The following KDM5A variants were observed in gnomAD, a reference collection of about 807,000 sequenced individuals.
KDM5A encodes the protein lysine-specific demethylase 5A.
Under a neutral mutation model 193.5 loss-of-function variants are expected in KDM5A, and 42 were observed. The observed-to-expected ratio is 0.22, with a 90% CI of 0.17 to 0.28. KDM5A has a LOEUF of 0.28. Among genes scored for constraint, KDM5A ranks in the 10% least tolerant of loss-of-function variants. The pLI, the probability that KDM5A is intolerant of heterozygous loss-of-function variation, is 1.00. For missense variants in KDM5A, 1,692 were observed against 2,055.1 expected (o/e 0.82, Z 3.42); for synonymous variants, 796 against 718.1 (o/e 1.11, Z -1.73).
rs776471484 is a variant in KDM5A, at chr12:363,064, T to C, written c.571A>G (p.Lys191Glu). The C allele has an allele frequency of 3.7e-6, 6 of 1,613,990 alleles. No homozygotes were observed. The highest frequency in any genetic ancestry group is 2.7e-5 in the African/African-American group (2 of 74,918). Reference protein sequence around the residue: ...VQMPNLDLKEKVEPEVLSTDT... With the variant: ...VQMPNLDLKEEVEPEVLSTDT... Reference sequence around the variant, plus strand: ...GTGCTGAGAACCTCAGGCTCCACTTTTTCTTTAAGATCTAAATTAGGCATC... The same window carrying C: ...GTGCTGAGAACCTCAGGCTCCACTTCTTCTTTAAGATCTAAATTAGGCATC... The change falls in exon 5 of 28, where the codon AAA (lysine) becomes GAA (glutamate). Residue 191 changes from lysine (K) to glutamate (E), a missense_variant. Physicochemically the swap from Lys to Glu is moderately conservative, Grantham distance 56 (BLOSUM62 1). This residue lies in a region of KDM5A where 120 missense variants were observed against 172.0 expected (regional missense o/e 0.70). Coordinates refer to ENST00000399788, the MANE Select transcript of KDM5A (RefSeq NM_001042603.3).
rs186340808 is a variant in KDM5A at position 389,004 on chromosome 12, T to A, written c.88A>T (p.Thr30Ser). ...PVFEPSWEEF[T>S]DPLSFIGRIR... Reference sequence around the variant, plus strand: ...CGGCCGATAAAGCTGAGCGGATCTGTGAACTCCTCCCAACTCGGCTCAAAG... The same window carrying A: ...CGGCCGATAAAGCTGAGCGGATCTGAGAACTCCTCCCAACTCGGCTCAAAG... The change falls in exon 1 of 28, where the codon ACA (threonine) becomes TCA (serine). Residue 30 changes from threonine to serine, a missense_variant. Around this residue, in one of 11 missense-constraint regions of KDM5A, gnomAD observed 84 missense variants for 68.2 expected, o/e 1.23. Coordinates refer to ENST00000399788, the MANE Select transcript of KDM5A (RefSeq NM_001042603.3). 2 of 1,613,602 alleles carry A rather than the reference T, an allele frequency of 1.2e-6. No individual in the cohort carries two copies. The highest frequency in any genetic ancestry group is 1.7e-6 in the Non-Finnish European group (2 of 1,179,954).
chr12:296,263 A>G (rs746639540), intron 25 of KDM5A, among the ~76,000 whole-genome samples: 12 of 151,264 alleles, frequency 7.9e-5, no homozygotes, highest in Non-Finnish European at 1.6e-4. Flanking sequence ...GGGAGGTTGC[A>G]GTGAGCCAAG....
In KDM5A at chr12:357,935, T is replaced by C. The variant is rs75491317; in HGVS notation, c.673-1398A>G. Among the ~76,000 whole-genome samples, 789 of 140,232 alleles carry C rather than the reference T, an allele frequency of 5.6e-3. 4 individuals are homozygous for C. The highest frequency in any genetic ancestry group is 0.017 in the African/African-American group (659 of 38,412). The allele number at this position is 140,232 out of a possible 152,430, so 92.0% of individuals were successfully genotyped here. The stretch of plus-strand genomic sequence containing the variant: ...ATGGTGCTAGACTCTGCAACAGCCA[T>C]ACTACAACTGGGAGGAAATTTATCA... On this transcript the variant is annotated intron_variant, in intron 5 of 27. Transcript: ENST00000399788.
At position 356,550 on chromosome 12, in the gene KDM5A, C is replaced by G. The variant is rs1243571972; in HGVS notation, c.673-13G>C. 1 of 1,501,714 alleles carries G rather than the reference C, an allele frequency of 6.7e-7. No individual in the cohort carries two copies. Among genetic ancestry groups the G allele is most frequent in the African/African-American group, 1.4e-5 (1 of 72,820 alleles). The allele number at this position is 1,501,714 out of a possible 1,614,324, so 93.0% of individuals were successfully genotyped here. A position where few individuals can be genotyped will look rare whatever the true frequency, so the allele number is the denominator to read the frequency against. ...CTCCAGATTCTGACTAAAAAATAAGCAAAATTCACATTAGCATAATCATGC... is the reference window on the plus strand; with the variant it reads ...CTCCAGATTCTGACTAAAAAATAAGGAAAATTCACATTAGCATAATCATGC... On this transcript the variant is annotated splice_polypyrimidine_tract_variant and intron_variant, in intron 5 of 27. Coordinates refer to ENST00000399788, the MANE Select transcript of KDM5A (RefSeq NM_001042603.3).
At chr12:291,205 A>AC (rs1943289535) in intron 27 of KDM5A, among the ~76,000 whole-genome samples, 1 of 152,250 alleles carries the variant, frequency 6.6e-6, no homozygotes, top group East Asian at 1.9e-4. Flanking sequence ...CAAACGCCAT[A>AC]GAAAAAAATT....
Position 313,140 on chromosome 12 carries a change from A to C in KDM5A, c.2952T>G (p.Ile984Met). ...ACAACACATTGGGTAGAAAGGCTGG[A>C]ATGTTCTTGGCTTCATTCACAATGC... ...LESIVNEAKN[I>M]PAFLPNVLSL... Residue 984 changes from isoleucine to methionine, a missense_variant, in exon 20 of 28, where the codon ATT becomes ATG. This residue lies in a region of KDM5A where 965 missense variants were observed against 1,061.0 expected (regional missense o/e 0.91). Coordinates refer to ENST00000399788, the MANE Select transcript of KDM5A (RefSeq NM_001042603.3). 1 of 1,614,118 alleles carries C rather than the reference A, an allele frequency of 6.2e-7. No individual in the cohort carries two copies. The highest frequency in any genetic ancestry group is 8.5e-7 in the Non-Finnish European group (1 of 1,179,976).
intron 5 of KDM5A, among the ~76,000 whole-genome samples, chr12:356,994 C>A (rs192277610): frequency 2.6e-5 from 4 of 152,244 alleles, no homozygotes; most frequent in African/African-American, 9.6e-5. Context: ...TAATAAAAGG[C>A]GAATGGCCAG....
chr12:294,224 T>A (rs368939775), intron 26 of KDM5A, among the ~76,000 whole-genome samples: 8 of 152,340 alleles, frequency 5.3e-5, no homozygotes, highest in East Asian at 3.9e-4. Flanking sequence ...TTTAATATTG[T>A]TGCTAGTATG....
At chr12:338,174 G>A (rs1943958095) in intron 10 of KDM5A, among the ~76,000 whole-genome samples, 1 of 152,020 alleles carries the variant, frequency 6.6e-6, no homozygotes, top group African/African-American at 2.4e-5. Context: ...CTAGACACTT[G>A]AATGGTAACA....
chr12:338,617 G>A (rs184970936), intron 10 of KDM5A, among the ~76,000 whole-genome samples: 3 of 152,298 alleles, frequency 2.0e-5, no homozygotes, highest in Admixed American at 6.5e-5. Flanking sequence ...CTTGGAGACA[G>A]CCAATACAAG....
chr12:318,017 T>C (rs1943669201), intron 19 of KDM5A, 89 bp downstream of exon 19: 6 of 999,270 alleles, frequency 6.0e-6, no homozygotes, highest in African/African-American at 1.6e-5. Flanking sequence ...AAAAAAGTCA[T>C]TTAATGAAAT....
chr12:298,104 G>A (rs577287710), intron 24 of KDM5A, among the ~76,000 whole-genome samples: 7 of 152,184 alleles, frequency 4.6e-5, no homozygotes, highest in East Asian at 1.9e-4. Context: ...GGGAAGGGGC[G>A]GCTGTGGGCG....
chr12:308,126 T>G (rs1943536049), intron 22 of KDM5A, 121 bp from the exon 23 acceptor site: 21 of 1,122,364 alleles, frequency 1.9e-5, no homozygotes, highest in Non-Finnish European at 2.3e-5. Context: ...TCCTAAAATG[T>G]GGGGCCCCTG....
chr12:372,964 C>T (rs1188225734), intron 3 of KDM5A, among the ~76,000 whole-genome samples: 2 of 152,090 alleles, frequency 1.3e-5, no homozygotes, highest in Non-Finnish European at 2.9e-5. Context: ...GGTGGATAAG[C>T]TTTTTGATGT....
At chr12:333,328 A>C in intron 12 of KDM5A, 159 bp downstream of exon 12, 1 of 741,530 alleles carries the variant, frequency 1.3e-6, no homozygotes, top group Non-Finnish European at 2.3e-6. Flanking sequence ...CTGAGGCAGG[A>C]GAACTGCTTG....
At position 292,997 on chromosome 12, in the gene KDM5A, T is replaced by C; in HGVS notation, c.4628A>G (p.Asp1543Gly). 6.3e-7 allele frequency: 1 copy of C among 1,596,306 alleles called. No individual in the cohort carries two copies. The highest frequency in any genetic ancestry group is 8.5e-7 in the Non-Finnish European group (1 of 1,175,848). The part of the protein sequence containing the change: ...PRKKKLKLGA[D>G]KSKELNKLAK... The stretch of plus-strand genomic sequence containing the variant: ...CAGTTTATTCAGCTCCTTTGATTTG[T>C]CTGCACCTAATTTTAATTTCTTCTT... Residue 1543 changes from aspartate to glycine, a missense_variant, in exon 27 of 28, where the codon GAC becomes GGC. By Grantham distance (94) the Asp-to-Gly change is moderately conservative. Transcript: ENST00000399788.
At chr12:362,937 T>C (rs761560114) in intron 5 of KDM5A, 26 bp downstream of exon 5, 2 of 1,612,352 alleles carry the variant, frequency 1.2e-6, no homozygotes, top group South Asian at 1.1e-5. Context: ...TATTTAAAAA[T>C]TTAAAAAAGC....
At chr12:330,095 A>ATATATC (rs1437768215) in intron 13 of KDM5A, among the ~76,000 whole-genome samples, 1 of 105,378 alleles carries the variant, frequency 9.5e-6, no homozygotes. Flanking sequence ...GTATATATAT[A>ATATATC]TATCTTATGA....
In KDM5A at chr12:309,895, GTTCTTTT is replaced by G; in HGVS notation, c.3279_3285del (p.Lys1094Ter). The G allele has an allele frequency of 6.2e-7, 1 of 1,613,400 alleles. No homozygotes were observed. Among genetic ancestry groups the G allele is most frequent in the Non-Finnish European group, 8.5e-7 (1 of 1,179,800 alleles). On this transcript the variant is annotated frameshift_variant, in exon 22 of 28. Transcript: ENST00000399788. LOFTEE classifies it high-confidence loss of function. ...TCCTTTTCTTTTTCTTTTTCTATTA[GTTCTTTT>G]ACTTTTTTCCTCCTATTTTTGCCAC...
Sources: allele counts gnomAD v4.1 joint callset (sites outside exome capture counted in the v4.1 genomes callset), GRCh38; gene constraint gnomAD v4.1.1; regional missense constraint gnomAD v4.1.1; transcripts MANE v1.5; gene names NCBI Gene and HGNC (gene_info 2026-07-23, HGNC 2026-07-21).